The following MYH7 variants were observed in gnomAD, a reference collection of about 807,000 sequenced individuals.
The protein encoded by MYH7 is myosin heavy chain 7.
A neutral mutation model predicts 225.4 loss-of-function variants in MYH7; 129 were observed. The observed-to-expected ratio is 0.57, with a 90% CI of 0.50 to 0.66. The LOEUF (loss-of-function observed/expected upper bound fraction) is 0.66, where lower values mean the gene tolerates loss of function less well. MYH7 is among the 30% of genes least tolerant of loss of function. MYH7 has a pLI of 0.00. For missense variants in MYH7, 1,649 were observed against 2,517.0 expected (o/e 0.66, Z 7.38); for synonymous variants, 971 against 1,007.6 (o/e 0.96, Z 0.69).
intron 6 of MYH7, 89 bp downstream of exon 6, chr14:23,432,390 T>C: frequency 1.1e-5 from 17 of 1,535,148 alleles, no homozygotes; most frequent in Middle Eastern, 3.4e-4. Flanking sequence ...AGAGGCTGAG[T>C]CTATGCCTCG....
intron 23 of MYH7, 62 bp downstream of exon 23, chr14:23,423,845 G>T: frequency 3.7e-6 from 6 of 1,613,600 alleles, no homozygotes; most frequent in Non-Finnish European, 5.1e-6. Flanking sequence ...CCTGGGTCAA[G>T]GTCAGTATGG....
rs199862338 is a variant in MYH7, at chr14:23,427,614, A to T, written c.1859T>A (p.Leu620Gln). The T allele has an allele frequency of 6.2e-7, 1 of 1,614,210 alleles. No individual in the cohort carries two copies. The highest frequency in any genetic ancestry group is 8.5e-7 in the Non-Finnish European group (1 of 1,180,028). The change falls in exon 16 of 40, where the codon CTG (leucine) becomes CAG (glutamine). Residue 620 changes from leucine to glutamine, a missense_variant. By Grantham distance (113) the Leu-to-Gln change is moderately radical. Around this residue, in one of 12 missense-constraint regions of MYH7, gnomAD observed 112 missense variants for 161.9 expected, o/e 0.69. Coordinates refer to ENST00000355349, the MANE Select transcript of MYH7 (RefSeq NM_000257.4). The part of the protein sequence containing the change: ...QKSSLKLLST[L>Q]FANYAGADAP... ...ATCAGCCCCAGCATAGTTGGCAAAC[A>T]GGGTGCTGAGCAGCTTGAGGGAAGA...
chr14:23,426,999 C>G (rs2754162), intron 17 of MYH7, 135 bp from the exon 18 acceptor site: 1 of 885,794 alleles, frequency 1.1e-6, no homozygotes, highest in Non-Finnish European at 1.8e-6. Flanking sequence ...GCCCTGGGGG[C>G]AGACAGGGAT....
intron 16 of MYH7, 100 bp from the exon 17 acceptor site, chr14:23,427,407 C>CCTGGGT: frequency 6.6e-7 from 1 of 1,521,070 alleles, no homozygotes; most frequent in South Asian, 1.2e-5. Flanking sequence ...GCATTTGGCC[C>CCTGGGT]CTGGGTGAGG....
intron 17 of MYH7, 80 bp from the exon 18 acceptor site, chr14:23,426,944 G>C: frequency 1.0e-3 from 1,164 of 1,120,992 alleles, no homozygotes; most frequent in Non-Finnish European, 1.4e-3. Flanking sequence ...AAGAAGGAAG[G>C]AAAAGAGAGA....
At position 23,427,862 on chromosome 14, in the gene MYH7, C is replaced by G. The variant is rs781288581; in HGVS notation, c.1611G>C (p.Glu537Asp). ...PMGIMSILEE[E>D]CMFPKATDMT... is the part of the protein sequence containing the mutation. The stretch of plus-strand genomic sequence containing the variant: ...TGTCGGTGGCCTTGGGGAACATGCA[C>G]TCCTCTTCCAGGATGGACATGATGC... The change falls in exon 16 of 40, where the codon GAG (glutamate) becomes GAC (aspartate). Residue 537 changes from glutamate to aspartate, a missense_variant. Glu to Asp is a conservative substitution (Grantham distance 45). Coordinates refer to ENST00000355349, the MANE Select transcript of MYH7 (RefSeq NM_000257.4). 1.9e-6 allele frequency: 3 copies of G among 1,614,064 alleles called. No individual in the cohort carries two copies. Among genetic ancestry groups the G allele is most frequent in the African/African-American group, 2.7e-5 (2 of 74,912 alleles).
chr14:23,424,233 C>T (rs1013955610), intron 22 of MYH7, 84 bp from the exon 23 acceptor site: 15 of 1,563,124 alleles, frequency 9.6e-6, no homozygotes, highest in Non-Finnish European at 1.2e-5. Flanking sequence ...GCACATCACT[C>T]AAATAGGAGG....
At chr14:23,424,268 G>T (rs1441281428) in intron 22 of MYH7, 119 bp from the exon 23 acceptor site, 3 of 1,342,774 alleles carry the variant, frequency 2.2e-6, no homozygotes, top group Admixed American at 4.1e-5. Flanking sequence ...TCCCCACTTG[G>T]CAAGAGCTTC....
intron 15 of MYH7, 60 bp downstream of exon 15, chr14:23,428,440 G>A: frequency 6.2e-7 from 1 of 1,610,504 alleles, no homozygotes; most frequent in Non-Finnish European, 8.5e-7. Flanking sequence ...CTGCTATTTT[G>A]TCTATGGTGT....
At chr14:23,424,586 A>T (rs1380560582) in intron 22 of MYH7, among the ~76,000 whole-genome samples, 183 bp downstream of exon 22, 1 of 152,216 alleles carries the variant, frequency 6.6e-6, no homozygotes, top group Non-Finnish European at 1.5e-5. Context: ...TTTAAAAGTC[A>T]GCTCTTTTCC....
chr14:23,428,921 G>A, intron 14 of MYH7, 34 bp downstream of exon 14: 1 of 1,614,066 alleles, frequency 6.2e-7, no homozygotes, highest in Non-Finnish European at 8.5e-7. Context: ...GCGAGTGAGT[G>A]ATTGTTCTCC....
chr14:23,416,170 G>A lies in MYH7; in HGVS notation c.4787C>T (p.Ser1596Leu), dbSNP rs774540446. 2.5e-5 allele frequency: 40 copies of A among 1,614,004 alleles called. No homozygotes were observed. In the South Asian group the frequency reaches 3.7e-4, roughly 15 times the overall value. ...AKRNHLRVVD[S>L]LQTSLDAETR... Reference sequence around the variant, plus strand: ...CTCTGCGTCCAGGGAGGTCTGCAGCGAGTCCACCACCCGCAGGTGGTTGCG... The same window carrying A: ...CTCTGCGTCCAGGGAGGTCTGCAGCAAGTCCACCACCCGCAGGTGGTTGCG... Residue 1596 changes from serine to leucine, a missense_variant, in exon 34 of 40, where the codon TCG (serine) becomes TTG (leucine). By Grantham distance (145) the Ser-to-Leu change is moderately radical (BLOSUM62 -2). This residue lies in a region of MYH7 where 687 missense variants were observed against 913.8 expected (regional missense o/e 0.75). Transcript: ENST00000355349.
intron 16 of MYH7, 59 bp from the exon 17 acceptor site, chr14:23,427,366 A>G: frequency 1.9e-6 from 3 of 1,586,008 alleles, no homozygotes; most frequent in Non-Finnish European, 2.6e-6. Flanking sequence ...GTGTGAGTAA[A>G]GAATCACAGC....
At chr14:23,419,080 C>A in intron 29 of MYH7, 97 bp downstream of exon 29, 1 of 1,117,146 alleles carries the variant, frequency 9.0e-7, no homozygotes, top group South Asian at 1.2e-5. Context: ...AACTGTTGGT[C>A]CACAGCCAGC....
intron 37 of MYH7, 89 bp downstream of exon 37, chr14:23,414,900 TGGAAGA>T: frequency 6.3e-7 from 1 of 1,590,002 alleles, no homozygotes; most frequent in Non-Finnish European, 8.5e-7. Flanking sequence ...ATCCTCGCCC[TGGAAGA>T]GGCTAAGAGC....
chr14:23,419,540 T>C lies in MYH7; in HGVS notation c.3796A>G (p.Thr1266Ala). ...MNEHRSKAEE[T>A]QRSVNDLTSQ... is the part of the protein sequence containing the mutation. ...GTGAGGTCGTTGACAGAACGCTGGGTCTCCTCCGCCTTGCTCCGGTGCTCA... is the reference window on the plus strand; with the variant it reads ...GTGAGGTCGTTGACAGAACGCTGGGCCTCCTCCGCCTTGCTCCGGTGCTCA... Residue 1266 changes from threonine to alanine, a missense_variant, in exon 28 of 40, where the codon ACC becomes GCC. Physicochemically the swap from Thr to Ala is moderately conservative, Grantham distance 58. Coordinates refer to ENST00000355349, the MANE Select transcript of MYH7 (RefSeq NM_000257.4). 2 of 1,613,968 alleles carry C rather than the reference T, an allele frequency of 1.2e-6. No individual in the cohort carries two copies. The highest frequency in any genetic ancestry group is 1.7e-6 in the Non-Finnish European group (2 of 1,179,994).
In MYH7 at chr14:23,433,445, A is replaced by C; in HGVS notation, c.201+87T>G. The C allele has an allele frequency of 6.6e-7, 1 of 1,511,904 alleles. No individual in the cohort carries two copies. Among genetic ancestry groups the C allele is most frequent in the Non-Finnish European group, 9.1e-7 (1 of 1,095,534 alleles). 93.7% of individuals were successfully genotyped at this position (1,511,904 alleles called of 1,614,324 possible). A position where few individuals can be genotyped will look rare whatever the true frequency, so the allele number is the denominator to read the frequency against. On this transcript the variant is annotated intron_variant, in intron 3 of 39. Transcript: ENST00000355349. The surrounding 1 kb of genome is among the most constrained non-coding windows in gnomAD (Gnocchi z 4.1). ...AGAATGGGACCATCCTCAGGTCTGC[A>C]TGGGCATGGGGCATGGGTGTACCCC...
chr14:23,434,534 CT>C (rs1247448711), intron 1 of MYH7, among the ~76,000 whole-genome samples: 2 of 152,214 alleles, frequency 1.3e-5, no homozygotes, highest in Non-Finnish European at 1.5e-5. Flanking sequence ...CTAGTGGTAC[CT>C]TTCTTTGAGC....
In MYH7 at chr14:23,422,574, C is replaced by CCTTTCTTTCTTTCTTTCTTTCCCTTT. The variant is rs1555337330; in HGVS notation, c.3100-250_3100-249insAAAGGGAAAGAAAGAAAGAAAGAAAG. On this transcript the variant is annotated intron_variant, in intron 24 of 39. Coordinates refer to ENST00000355349, the MANE Select transcript of MYH7 (RefSeq NM_000257.4). The stretch of plus-strand genomic sequence containing the variant: ...CAAAGCCGTATTCTTTCTTTCTTTC[C>CCTTTCTTTCTTTCTTTCTTTCCCTTT]CTTTCTTTCTTTCTTTCTTTCTCTC... 6.6e-3 allele frequency among the ~76,000 whole-genome samples: 963 copies of CCTTTCTTTCTTTCTTTCTTTCCCTTT among 146,812 alleles called. 9 individuals carry two copies. The highest frequency in any genetic ancestry group is 0.024 in the African/African-American group (918 of 38,152).
Sources: allele counts gnomAD v4.1 joint callset (sites outside exome capture counted in the v4.1 genomes callset), GRCh38; gene constraint gnomAD v4.1.1; regional missense constraint gnomAD v4.1.1; non-coding constraint Gnocchi (gnomAD v3.1); transcripts MANE v1.5; gene names NCBI Gene and HGNC (gene_info 2026-07-23, HGNC 2026-07-21).